The following SEL1L3 variants were observed in gnomAD, a reference collection of about 807,000 sequenced individuals.
SEL1L3 encodes protein sel-1 homolog 3.
A neutral mutation model predicts 142.8 loss-of-function variants in SEL1L3; 76 were observed. That is an observed-to-expected ratio of 0.53 (90% CI 0.44 to 0.64). The LOEUF (loss-of-function observed/expected upper bound fraction) is 0.64. SEL1L3 is among the 30% of genes least tolerant of loss of function. SEL1L3 has a pLI of 0.00. For synonymous variants in SEL1L3, 504 were observed against 519.6 expected, an observed-to-expected ratio of 0.97 and a Z score of 0.41; for missense variants, 1,262 against 1,381.7, an observed-to-expected ratio of 0.91 and a Z score of 1.37.
intron 20 of SEL1L3, among the ~76,000 whole-genome samples, chr4:25,761,141 T>A (rs1022993096): frequency 3.3e-5 from 5 of 152,230 alleles, no homozygotes; most frequent in African/African-American, 1.2e-4. Flanking sequence ...GAAGGCACTC[T>A]TAAAATTTGA....
intron 1 of SEL1L3, among the ~76,000 whole-genome samples, chr4:25,850,721 C>T (rs188803773): frequency 7.2e-4 from 110 of 152,336 alleles, no homozygotes; most frequent in Admixed American, 5.8e-3. Flanking sequence ...ATAGTACATC[C>T]ACTCATGGAG....
chr4:25,837,769 GTTAT>G (rs1220091465), intron 2 of SEL1L3, among the ~76,000 whole-genome samples: 2 of 152,064 alleles, frequency 1.3e-5, no homozygotes, highest in African/African-American at 4.8e-5. Context: ...TATAGGATAT[GTTAT>G]TTATCCTATA....
chr4:25,859,822 T>C (rs1214824074), intron 1 of SEL1L3, among the ~76,000 whole-genome samples: 1 of 152,220 alleles, frequency 6.6e-6, no homozygotes. Context: ...TTACCTTTCT[T>C]CCCCACTTTA....
chr4:25,729,512 G>A, the SEL1L3 span, among the ~76,000 whole-genome samples: 2 of 152,128 alleles, frequency 1.3e-5, no homozygotes, highest in African/African-American at 4.8e-5. Context: ...TCAGGAGTTC[G>A]AGGCCAGCCT....
intron 11 of SEL1L3, among the ~76,000 whole-genome samples, chr4:25,790,817 A>T (rs1234068668): frequency 2.0e-5 from 3 of 151,828 alleles, no homozygotes; most frequent in South Asian, 4.2e-4. Flanking sequence ...GGAAGAAAGG[A>T]GGGAAGGAAG....
rs774884640 is a variant in SEL1L3 at position 25,788,270 on chromosome 4, G to T, written c.2171C>A (p.Thr724Lys). 1.2e-6 allele frequency: 2 copies of T among 1,613,922 alleles called. No individual in the cohort carries two copies. The highest frequency in any genetic ancestry group is 3.3e-5 in the Admixed American group (2 of 60,016). ...IEWYAKGALE[T>K]EDPALIYDYA... is the part of the protein sequence containing the mutation. The stretch of plus-strand genomic sequence containing the variant: ...GTCATAGATTAACGCAGGATCCTCC[G>T]TCTCCAGGGCGCCCTTGGCGTACCA... Residue 724 changes from threonine to lysine, a missense_variant, in exon 13 of 24, where the codon ACG becomes AAG. By Grantham distance (78) the Thr-to-Lys change is moderately conservative. Around this residue, in one of 3 missense-constraint regions of SEL1L3, gnomAD observed 435 missense variants for 559.2 expected, o/e 0.78. Transcript: ENST00000399878. This position sits in a 1 kb window ranked among gnomAD's most constrained non-coding sequence, Gnocchi z 5.3.
At chr4:25,736,989 T>TTTTTC in the SEL1L3 span, among the ~76,000 whole-genome samples, 1 of 151,668 alleles carries the variant, frequency 6.6e-6, no homozygotes, top group South Asian at 2.1e-4. Context: ...TTCTTTTTCT[T>TTTTTC]TTTTTTCTTT....
At chr4:25,857,140 G>A (rs1350953833) in intron 1 of SEL1L3, among the ~76,000 whole-genome samples, 1 of 151,932 alleles carries the variant, frequency 6.6e-6, no homozygotes, top group Non-Finnish European at 1.5e-5. Context: ...GCCTATTTTT[G>A]TAATTTCTGT....
Position 25,862,878 on chromosome 4 carries a change from G to A in SEL1L3, c.-42C>T. On this transcript the variant is annotated 5_prime_UTR_variant, in exon 1 of 24. Coordinates refer to ENST00000399878, the MANE Select transcript of SEL1L3 (RefSeq NM_015187.5). Reference sequence around the variant, plus strand: ...TCCGGGCCGGAACAGGTCACCTGGTGCAGGGACCGGCCCCCGCCCGAGGCG... The same window carrying A: ...TCCGGGCCGGAACAGGTCACCTGGTACAGGGACCGGCCCCCGCCCGAGGCG... The A allele has an allele frequency of 9.4e-7, 1 of 1,062,162 alleles. No homozygotes were observed. Among genetic ancestry groups the A allele is most frequent in the Non-Finnish European group, 1.1e-6 (1 of 881,456 alleles). 65.8% of individuals were successfully genotyped at this position (1,062,162 alleles called of 1,614,324 possible).
At chr4:25,723,481 G>A in the SEL1L3 span, among the ~76,000 whole-genome samples, 1 of 152,140 alleles carries the variant, frequency 6.6e-6, no homozygotes, top group Non-Finnish European at 1.5e-5. Flanking sequence ...TATTGTAACA[G>A]TAGTTTATTT....
At position 25,781,252 on chromosome 4, in the gene SEL1L3, A is replaced by T. The variant is rs183608496; in HGVS notation, c.2457+990T>A. Among the ~76,000 whole-genome samples the T allele has an allele frequency of 2.6e-4, 39 of 152,278 alleles. No individual in the cohort carries two copies. The East Asian group carries it at 4.0e-3, about 16-fold the overall frequency. On this transcript the variant is annotated intron_variant, in intron 15 of 23. Transcript: ENST00000399878. ...CCATCTGGTGGAATGAAAGCTTCAT[A>T]AGATCAGGGACTGTTTTGCCTGCTA... is the stretch of plus-strand genomic sequence containing the variant.
intron 13 of SEL1L3, among the ~76,000 whole-genome samples, chr4:25,786,946 A>C (rs1188332224): frequency 6.6e-6 from 1 of 152,192 alleles, no homozygotes; most frequent in African/African-American, 2.4e-5. Context: ...TGTTCTGGAG[A>C]TGGGCCTGGC....
In SEL1L3 at chr4:25,862,729, G is replaced by A. The variant is rs1395185582; in HGVS notation, c.108C>T (p.Val36=). The change falls in exon 1 of 24, where the codon GTC becomes GTT. Residue 36 remains valine (V), a synonymous_variant. Coordinates refer to ENST00000399878, the MANE Select transcript of SEL1L3 (RefSeq NM_015187.5). ...CAGAGCGGCCGCCGAGGCCCTGGGG[G>A]ACGCCGCCACTCGGGACCATGGCTG... ...RAAAMVPSGG[V]PQGLGGRSAC... is the part of the protein sequence containing the mutation. The A allele has an allele frequency of 7.8e-7, 1 of 1,279,184 alleles. No individual in the cohort carries two copies. The highest frequency in any genetic ancestry group is 9.9e-7 in the Non-Finnish European group (1 of 1,011,734). The allele number at this position is 1,279,184 out of a possible 1,614,324, so 79.2% of individuals were successfully genotyped here. A position where few individuals can be genotyped will look rare whatever the true frequency, so the allele number is the denominator to read the frequency against.
At chr4:25,840,049 T>C (rs994633005) in intron 2 of SEL1L3, among the ~76,000 whole-genome samples, 2 of 152,192 alleles carry the variant, frequency 1.3e-5, no homozygotes, top group Non-Finnish European at 2.9e-5. Flanking sequence ...AGAGGCGGCA[T>C]AGCAAAGTCA....
chr4:25,816,411 C>T (rs1043949525), intron 9 of SEL1L3, among the ~76,000 whole-genome samples: 1 of 152,144 alleles, frequency 6.6e-6, no homozygotes, highest in African/African-American at 2.4e-5. Context: ...CATTACACAA[C>T]ATGACGCAGC....
chr4:25,801,344 A>C (rs1713170249), intron 11 of SEL1L3, among the ~76,000 whole-genome samples: 1 of 152,250 alleles, frequency 6.6e-6, no homozygotes, highest in Non-Finnish European at 1.5e-5. Context: ...TGGAGGTTGC[A>C]GTGAGCCAAG....
rs1366374314 is a variant in SEL1L3 at position 25,833,034 on chromosome 4, C to T, written c.1059G>A (p.Lys353=). Residue 353 remains lysine, a synonymous_variant, in exon 5 of 24, where the codon AAG becomes AAA. Coordinates refer to ENST00000399878, the MANE Select transcript of SEL1L3 (RefSeq NM_015187.5). ...AAGAGATATCCAGTCGAAACCACTCCTTCAAAGGTATGATGAATTTAGTTT... is the reference window on the plus strand; with the variant it reads ...AAGAGATATCCAGTCGAAACCACTCTTTCAAAGGTATGATGAATTTAGTTT... ...AVKTKFIIPL[K]EWFRLDISFN... 1.2e-6 allele frequency: 2 copies of T among 1,612,192 alleles called. No individual in the cohort carries two copies. The highest frequency in any genetic ancestry group is 1.7e-5 in the Admixed American group (1 of 60,024).
chr4:25,737,186 T>C, the SEL1L3 span, among the ~76,000 whole-genome samples: 5 of 152,188 alleles, frequency 3.3e-5, no homozygotes, highest in African/African-American at 4.8e-5. Context: ...GGTTTCCCCA[T>C]GTTGGCCAGG....
intron 11 of SEL1L3, among the ~76,000 whole-genome samples, chr4:25,801,051 A>C (rs1431552184): frequency 6.6e-6 from 1 of 152,238 alleles, no homozygotes; most frequent in Non-Finnish European, 1.5e-5. Context: ...AAAATTCAAC[A>C]ATCCTAACCT....
Sources: allele counts gnomAD v4.1 joint callset (sites outside exome capture counted in the v4.1 genomes callset), GRCh38; gene constraint gnomAD v4.1.1; regional missense constraint gnomAD v4.1.1; non-coding constraint Gnocchi (gnomAD v3.1); transcripts MANE v1.5; gene names NCBI Gene and HGNC (gene_info 2026-07-23, HGNC 2026-07-21).